Variants in PIEZO2 observed in about 807,000 individuals in gnomAD.
PIEZO2 encodes piezo type mechanosensitive ion channel component 2, also known as piezo-type mechanosensitive ion channel component 2.
A neutral mutation model predicts 337.3 loss-of-function variants in PIEZO2; 172 were observed. That is an observed-to-expected ratio of 0.51 (90% confidence interval 0.45 to 0.58). PIEZO2 has a LOEUF of 0.58. PIEZO2 is among the 20% of genes least tolerant of loss of function. The pLI is 0.00. For missense variants in PIEZO2, 3,028 were observed against 3,391.3 expected (o/e 0.89, Z 2.66); for synonymous variants, 1,251 against 1,228.5 (o/e 1.02, Z -0.38).
intron 1 of PIEZO2, among the ~76,000 whole-genome samples, chr18:11,082,825 G>A (rs984760956): frequency 1.2e-4 from 18 of 152,064 alleles, no homozygotes; most frequent in South Asian, 1.0e-3. Flanking sequence ...CAATATTCTC[G>A]GTTTTCTTTA....
intron 7 of PIEZO2, among the ~76,000 whole-genome samples, chr18:10,835,317 G>A (rs1284455575): frequency 6.7e-6 from 1 of 149,640 alleles, no homozygotes; most frequent in Non-Finnish European, 1.5e-5. Context: ...AACACAGGAT[G>A]AGAAAGAGAC....
intron 2 of PIEZO2, among the ~76,000 whole-genome samples, chr18:11,049,019 G>A (rs1277857603): frequency 6.6e-6 from 1 of 152,100 alleles, no homozygotes; most frequent in Non-Finnish European, 1.5e-5. Context: ...TCTCGTCCAG[G>A]CTTTGAAGCA....
In PIEZO2 at chr18:10,943,810, GA is replaced by G. The variant is rs2032851258; in HGVS notation, c.287-32583del. 6.6e-6 allele frequency among the ~76,000 whole-genome samples: 1 copy of G among 152,156 alleles called. No individual in the cohort carries two copies. Among genetic ancestry groups the G allele is most frequent in the African/African-American group, 2.4e-5 (1 of 41,444 alleles). On this transcript the variant is annotated intron_variant, in intron 3 of 55. Transcript: ENST00000674853. The surrounding 1 kb of genome is among the most constrained non-coding windows in gnomAD (Gnocchi z 4.5). ...CATACAGAGATATGTGAGAGTTGCAGAAGGGACCCGGTGGGAGATGACTGAA... is the reference window on the plus strand; with the variant it reads ...CATACAGAGATATGTGAGAGTTGCAGAGGGACCCGGTGGGAGATGACTGAA...
chr18:10,858,843 CT>C (rs1389997040), intron 5 of PIEZO2, among the ~76,000 whole-genome samples: 1 of 152,250 alleles, frequency 6.6e-6, no homozygotes, highest in Admixed American at 6.5e-5. Flanking sequence ...GGATTTAATC[CT>C]GGGCCACTTC....
At chr18:10,807,646 AGTAT>A (rs1299751723) in intron 7 of PIEZO2, among the ~76,000 whole-genome samples, 1 of 152,240 alleles carries the variant, frequency 6.6e-6, no homozygotes, top group African/African-American at 2.4e-5. Context: ...AGAAATGCCA[AGTAT>A]GTGGTAACAT....
rs565529520 is a variant in PIEZO2 at position 11,115,076 on chromosome 18, G to A, written c.64+33449C>T. Reference sequence around the variant, plus strand: ...ATAATGTTTTCCAGGTTGCTCTATTGTCTTCTATGTAATATTAAAGGGCTT... The same window carrying A: ...ATAATGTTTTCCAGGTTGCTCTATTATCTTCTATGTAATATTAAAGGGCTT... On this transcript the variant is annotated intron_variant, in intron 1 of 55. Transcript: ENST00000674853. Among the ~76,000 whole-genome samples, 4 of 152,210 alleles carry A rather than the reference G, an allele frequency of 2.6e-5. No homozygotes were observed. The East Asian group carries it at 7.7e-4, about 29-fold the overall frequency.
intron 2 of PIEZO2, among the ~76,000 whole-genome samples, chr18:11,015,786 C>T (rs945535407): frequency 2.0e-5 from 3 of 152,010 alleles, no homozygotes; most frequent in Non-Finnish European, 4.4e-5. Context: ...ATGGTAGACT[C>T]GAATTTCTTA....
intron 2 of PIEZO2, among the ~76,000 whole-genome samples, chr18:10,999,624 AGC>A (rs2035462045): frequency 6.6e-6 from 1 of 152,172 alleles, no homozygotes; most frequent in Non-Finnish European, 1.5e-5. Flanking sequence ...AAGACACTTG[AGC>A]ACCCAAGGAT....
At position 11,111,328 on chromosome 18, in the gene PIEZO2, A is replaced by G. The variant is rs2039726158; in HGVS notation, c.64+37197T>C. Among the ~76,000 whole-genome samples the G allele has an allele frequency of 6.6e-6, 1 of 152,158 alleles. No homozygotes were observed. The highest frequency in any genetic ancestry group is 2.4e-5 in the African/African-American group (1 of 41,436). On this transcript the variant is annotated intron_variant, in intron 1 of 55. Transcript: ENST00000674853. The surrounding 1 kb of genome is among the most constrained non-coding windows in gnomAD (Gnocchi z 6.2). ...GCAATCTCCTCTATTTAAACCCTCT[A>G]TACATGGATTATCTACAGTGGCTTC...
At chr18:10,722,808 A>T (rs1480983339) in intron 36 of PIEZO2, among the ~76,000 whole-genome samples, 1 of 152,168 alleles carries the variant, frequency 6.6e-6, no homozygotes, top group Non-Finnish European at 1.5e-5. Context: ...GGTGAACATA[A>T]ATGAAGAAGT....
chr18:10,979,528 T>C lies in PIEZO2; in HGVS notation c.286+7A>G. On this transcript the variant is annotated splice_region_variant and intron_variant, in intron 3 of 55. Transcript: ENST00000674853. The surrounding 1 kb of genome is among the most constrained non-coding windows in gnomAD (Gnocchi z 4.0). ...AAAACAATAAAAGAAAACACCATAATACTCACAGTTGTAGCCAGGTGCAAT... is the reference window on the plus strand; with the variant it reads ...AAAACAATAAAAGAAAACACCATAACACTCACAGTTGTAGCCAGGTGCAAT... 1 of 1,516,922 alleles carries C rather than the reference T, an allele frequency of 6.6e-7. No individual in the cohort carries two copies. Among genetic ancestry groups the C allele is most frequent in the Non-Finnish European group, 8.8e-7 (1 of 1,134,362 alleles). The allele number at this position is 1,516,922 out of a possible 1,614,324, so 94.0% of individuals were successfully genotyped here. A position where few individuals can be genotyped will look rare whatever the true frequency, so the allele number is the denominator to read the frequency against.
At chr18:10,710,232 C>T (rs1012836604) in intron 39 of PIEZO2, among the ~76,000 whole-genome samples, 1 of 152,234 alleles carries the variant, frequency 6.6e-6, no homozygotes, top group African/African-American at 2.4e-5. Context: ...TCAGAACCCA[C>T]ATAATCCCAC....
Position 10,847,598 on chromosome 18 carries a change from G to C in PIEZO2, c.917+7755C>G, listed in dbSNP as rs953126452. On this transcript the variant is annotated intron_variant, in intron 7 of 55. Coordinates refer to ENST00000674853, the MANE Select transcript of PIEZO2 (RefSeq NM_001378183.1). The surrounding 1 kb of genome is among the most constrained non-coding windows in gnomAD (Gnocchi z 5.7). ...GGATCCCGGTCCCCACTACACCCAC[G>C]TAGGCCCCCAAACGATACCAAGGTC... Among the ~76,000 whole-genome samples the C allele has an allele frequency of 6.6e-6, 1 of 152,126 alleles. No individual in the cohort carries two copies. Among genetic ancestry groups the C allele is most frequent in the Admixed American group, 6.6e-5 (1 of 15,266 alleles).
chr18:11,062,649 A>G (rs529333620), intron 2 of PIEZO2, among the ~76,000 whole-genome samples: 184 of 152,368 alleles, frequency 1.2e-3, no homozygotes, highest in African/African-American at 4.3e-3. Flanking sequence ...GCCAAAAGAC[A>G]CACGAAAAAA....
In PIEZO2 at chr18:11,106,506, C is replaced by T. The variant is rs577087420; in HGVS notation, c.65-40284G>A. Among the ~76,000 whole-genome samples the T allele has an allele frequency of 5.2e-4, 78 of 150,206 alleles. No individual in the cohort carries two copies. In the South Asian group the frequency reaches 9.7e-3, roughly 19 times the overall value. On this transcript the variant is annotated intron_variant, in intron 1 of 55. Coordinates refer to ENST00000674853, the MANE Select transcript of PIEZO2 (RefSeq NM_001378183.1). ...CATTGTAACCGTGAACTCCTGGGCT[C>T]GGGTGATCCTCCCGCCTCAGCCTCC...
At chr18:10,728,970 A>C (rs556312524) in intron 36 of PIEZO2, among the ~76,000 whole-genome samples, 5 of 148,362 alleles carry the variant, frequency 3.4e-5, no homozygotes, top group African/African-American at 5.0e-5. Context: ...AAAAAAAAAA[A>C]AAAACAAAAA....
At chr18:10,803,739 C>T in intron 9 of PIEZO2, 136 bp downstream of exon 9, 1 of 1,129,572 alleles carries the variant, frequency 8.9e-7, no homozygotes, top group Non-Finnish European at 1.2e-6. Context: ...TACTAACTCT[C>T]CTAAATCACT....
chr18:10,896,810 T>C (rs1027895160), intron 4 of PIEZO2, among the ~76,000 whole-genome samples: 2 of 152,216 alleles, frequency 1.3e-5, no homozygotes, highest in East Asian at 3.9e-4. Context: ...CTCCACCTCA[T>C]GTCTGAGAAG....
rs1157127595 is a variant in PIEZO2 at position 10,862,705 on chromosome 18, A to G, written c.493-5494T>C. ...CTCAACCTCAAACTTACTAAATCAGAAATTATGGGAATGAATTCCAGGAAG... is the reference window on the plus strand; with the variant it reads ...CTCAACCTCAAACTTACTAAATCAGGAATTATGGGAATGAATTCCAGGAAG... On this transcript the variant is annotated intron_variant, in intron 5 of 55. Coordinates refer to ENST00000674853, the MANE Select transcript of PIEZO2 (RefSeq NM_001378183.1). This position sits in a 1 kb window ranked among gnomAD's most constrained non-coding sequence, Gnocchi z 4.4. Among the ~76,000 whole-genome samples the G allele has an allele frequency of 6.6e-6, 1 of 152,166 alleles. No homozygotes were observed. The highest frequency in any genetic ancestry group is 1.5e-5 in the Non-Finnish European group (1 of 68,024).
Sources: gnomAD v4.1 joint callset for allele counts (sites outside exome capture counted in the v4.1 genomes callset) on GRCh38, gnomAD v4.1.1 for gene constraint, Gnocchi (gnomAD v3.1) non-coding constraint, MANE v1.5 for transcripts, NCBI Gene and HGNC (gene_info 2026-07-23, HGNC 2026-07-21) for gene names.